SEPTIN10: variants seen among roughly 807,000 people sequenced by gnomAD.
SEPTIN10 encodes septin-10.
A neutral mutation model predicts 54.8 loss-of-function variants in SEPTIN10; 66 were observed. That is an observed-to-expected ratio of 1.21 (90% CI 0.99 to 1.48). SEPTIN10 has a LOEUF of 1.48. Ranked by LOEUF, SEPTIN10 falls within the 40% of genes most tolerant of loss-of-function variation. The pLI, the probability that SEPTIN10 is intolerant of heterozygous loss-of-function variation, is 0.00. For synonymous variants in SEPTIN10, 161 were observed against 181.0 expected, an observed-to-expected ratio of 0.89 and a Z score of 0.89; for missense variants, 620 against 545.6, an observed-to-expected ratio of 1.14 and a Z score of -1.36.
intron 5 of SEPTIN10, among the ~76,000 whole-genome samples, chr2:109,570,253 T>G (rs1360786492): frequency 6.6e-6 from 1 of 152,172 alleles, no homozygotes; most frequent in Admixed American, 6.5e-5. Context: ...TTTAAATGAG[T>G]GCATGATACC....
intron 4 of SEPTIN10, among the ~76,000 whole-genome samples, chr2:109,576,512 T>C (rs1023475994): frequency 3.3e-5 from 5 of 152,180 alleles, no homozygotes; most frequent in Non-Finnish European, 4.4e-5. Context: ...AACAGTTAAG[T>C]GATCCTTTGG....
intron 1 of SEPTIN10, among the ~76,000 whole-genome samples, chr2:109,601,671 C>T (rs1263191671): frequency 6.6e-6 from 1 of 151,942 alleles, no homozygotes; most frequent in Non-Finnish European, 1.5e-5. Context: ...ATTACTGACC[C>T]TTCCAGTTTT....
intron 9 of SEPTIN10, among the ~76,000 whole-genome samples, chr2:109,551,357 T>C (rs1682919260): frequency 6.6e-6 from 1 of 152,262 alleles, no homozygotes; most frequent in Non-Finnish European, 1.5e-5. Context: ...ATCTTTTTAT[T>C]AGTGAATTGG....
chr2:109,575,403 T>C (rs1689461696), intron 4 of SEPTIN10, among the ~76,000 whole-genome samples: 1 of 152,232 alleles, frequency 6.6e-6, no homozygotes, highest in Non-Finnish European at 1.5e-5. Context: ...AGTATCTAAC[T>C]AGTAATGGTG....
chr2:109,562,880 T>C (rs1686029143), intron 8 of SEPTIN10, among the ~76,000 whole-genome samples: 1 of 152,098 alleles, frequency 6.6e-6, no homozygotes, highest in Admixed American at 6.5e-5. Context: ...TATGCCTGAA[T>C]TTGGTGAGGG....
chr2:109,550,343 C>T (rs1333346630), intron 9 of SEPTIN10, among the ~76,000 whole-genome samples: 1 of 150,688 alleles, frequency 6.6e-6, no homozygotes, highest in Non-Finnish European at 1.5e-5. Context: ...GACGGATTCT[C>T]GCTCTGTTGC....
chr2:109,546,099 A>G lies in SEPTIN10; in HGVS notation c.1300T>C (p.Ser434Pro), dbSNP rs774695494. ...AGGTTGCTGCCTGTTGCCAGAAAGG[A>G]CTGGCTGTGAAATATCTCGGAGGTA... ...KATSEIFHSQ[S>P]FLATGSNLRK... is the part of the protein sequence containing the mutation. The change falls in exon 10 of 11, where the codon TCC becomes CCC. Residue 434 changes from serine to proline, a missense_variant. By Grantham distance (74) the Ser-to-Pro change is moderately conservative (BLOSUM62 -1). Transcript: ENST00000397712. The G allele has an allele frequency of 2.2e-5, 35 of 1,608,136 alleles. No individual in the cohort carries two copies. The East Asian group carries it at 7.6e-4, about 35-fold the overall frequency.
chr2:109,553,252 A>G, intron 8 of SEPTIN10, 33 bp from the exon 9 acceptor site: 2 of 1,610,840 alleles, frequency 1.2e-6, no homozygotes, highest in Non-Finnish European at 1.7e-6. Flanking sequence ...CTCCTGCTAA[A>G]AAGTGATATA....
At chr2:109,590,048 ATGTGTG>A (rs200827961) in intron 2 of SEPTIN10, among the ~76,000 whole-genome samples, 3,510 of 143,814 alleles carry the variant, frequency 0.024, 47 homozygotes, top group South Asian at 0.075. Context: ...ACACATATAT[ATGTGTG>A]TGTATATATA....
chr2:109,585,166 T>C lies in SEPTIN10; in HGVS notation c.373A>G (p.Asn125Asp). 6.2e-7 allele frequency: 1 copy of C among 1,607,900 alleles called. No individual in the cohort carries two copies. The highest frequency in any genetic ancestry group is 8.5e-7 in the Non-Finnish European group (1 of 1,177,414). ...SNVQLKLTIVNTVGFGDQINK... is the reference protein window; with the variant it reads ...SNVQLKLTIVDTVGFGDQINK... The stretch of plus-strand genomic sequence containing the variant: ...ATTTGGTCACCAAATCCCACTGTAT[T>C]CACAATGGTCAATTTCAATTGAACA... The change falls in exon 4 of 11, where the codon AAT (asparagine) becomes GAT (aspartate). Residue 125 changes from asparagine (N) to aspartate (D), a missense_variant. Physicochemically the swap from Asn to Asp is conservative, Grantham distance 23. Coordinates refer to ENST00000397712, the MANE Select transcript of SEPTIN10 (RefSeq NM_144710.5).
intron 4 of SEPTIN10, among the ~76,000 whole-genome samples, chr2:109,582,532 G>A (rs1201881708): frequency 6.6e-6 from 1 of 152,040 alleles, no homozygotes; most frequent in Non-Finnish European, 1.5e-5. Flanking sequence ...ATGTTGCCCA[G>A]GCTAGTCTCA....
At chr2:109,590,041 CATATATATGTGTGTGTATATATAT>C (rs1300507347) in intron 2 of SEPTIN10, among the ~76,000 whole-genome samples, 1 of 148,734 alleles carries the variant, frequency 6.7e-6, no homozygotes, top group East Asian at 2.0e-4. Context: ...TATATACACA[CATATATATGTGTGTGTATATATAT>C]ACACACACAT....
At position 109,596,954 on chromosome 2, in the gene SEPTIN10, T is replaced by C. The variant is rs895882623; in HGVS notation, c.31-3835A>G. 4.6e-5 allele frequency among the ~76,000 whole-genome samples: 7 copies of C among 152,222 alleles called. No individual in the cohort carries two copies. The South Asian group carries it at 1.5e-3, about 32-fold the overall frequency. ...ATTTTTTTAAAATTTATTAATTTAG[T>C]TATTTTTAAAACAGGTTCTGGCTCT... On this transcript the variant is annotated intron_variant, in intron 1 of 10. Coordinates refer to ENST00000397712, the MANE Select transcript of SEPTIN10 (RefSeq NM_144710.5).
intron 1 of SEPTIN10, among the ~76,000 whole-genome samples, chr2:109,604,626 C>T (rs1262134899): frequency 6.6e-6 from 1 of 150,860 alleles, no homozygotes; most frequent in Non-Finnish European, 1.5e-5. Context: ...ACTCAAGAGG[C>T]TGAGGCAGGA....
At chr2:109,591,704 C>G (rs1439818592) in intron 2 of SEPTIN10, among the ~76,000 whole-genome samples, 1 of 152,076 alleles carries the variant, frequency 6.6e-6, no homozygotes, top group Non-Finnish European at 1.5e-5. Flanking sequence ...CAAGACCAGC[C>G]TGGCCAACAC....
chr2:109,597,417 A>G (rs1175223482), intron 1 of SEPTIN10, among the ~76,000 whole-genome samples: 3 of 152,216 alleles, frequency 2.0e-5, no homozygotes, highest in African/African-American at 7.2e-5. Context: ...AGTATGTGTA[A>G]ACCACTCAGC....
chr2:109,564,161 G>C (rs971997902), intron 8 of SEPTIN10: 1 of 422,016 alleles, frequency 2.4e-6, no homozygotes, highest in Admixed American at 4.4e-5. Context: ...TTTTGAGTCA[G>C]ACAAGGACTT....
chr2:109,577,861 C>T (rs1012722361), intron 4 of SEPTIN10, among the ~76,000 whole-genome samples: 11 of 142,868 alleles, frequency 7.7e-5, no homozygotes, highest in Admixed American at 6.6e-4. Context: ...TACAGTGAGC[C>T]GAGATTGCAC....
chr2:109,592,936 G>GT, intron 2 of SEPTIN10, 115 bp downstream of exon 2: 1 of 545,572 alleles, frequency 1.8e-6, no homozygotes, highest in Non-Finnish European at 3.0e-6. Flanking sequence ...CACGTTGGAG[G>GT]TAAGTACAAA....
Sources: gnomAD v4.1 joint callset for allele counts (sites outside exome capture counted in the v4.1 genomes callset) on GRCh38, gnomAD v4.1.1 for gene constraint, MANE v1.5 for transcripts, NCBI Gene and HGNC (gene_info 2026-07-23, HGNC 2026-07-21) for gene names.